The following SLC29A3 variants were observed in gnomAD, a reference collection of about 807,000 sequenced individuals.
SLC29A3 encodes solute carrier family 29 member 3, also known as equilibrative nucleoside transporter 3.
SLC29A3 carries 18 observed loss-of-function variants against 25.4 expected under a neutral mutation model. That is an observed-to-expected ratio of 0.71 (90% CI 0.49 to 1.05). SLC29A3 has a LOEUF of 1.05. Among genes scored for constraint, SLC29A3 ranks in the 50% least tolerant of loss-of-function variants. SLC29A3 has a pLI of 0.00. For missense variants in SLC29A3, 586 were observed against 609.0 expected, an observed-to-expected ratio of 0.96 and a Z score of 0.40; for synonymous variants, 258 against 267.1, an observed-to-expected ratio of 0.97 and a Z score of 0.33.
At chr10:71,343,564 A>G (rs768440472) in intron 2 of SLC29A3, among the ~76,000 whole-genome samples, 1 of 152,236 alleles carries the variant, frequency 6.6e-6, no homozygotes, top group East Asian at 1.9e-4. Context: ...GAGAAAATCC[A>G]GAGTGAGAAC....
chr10:71,329,457 C>CTAA (rs3059614), intron 2 of SLC29A3, among the ~76,000 whole-genome samples: 1 of 120,480 alleles, frequency 8.3e-6, no homozygotes. Context: ...GACTCTGTCT[C>CTAA]AAAAAAAAAA....
chr10:71,371,392 G>A (rs956626291), intron 3 of SLC29A3, among the ~76,000 whole-genome samples: 14 of 152,142 alleles, frequency 9.2e-5, no homozygotes, highest in African/African-American at 3.4e-4. Context: ...AGAGTCTTAT[G>A]TGGGTCTTAA....
At chr10:71,334,042 C>T (rs1846182950) in intron 2 of SLC29A3, among the ~76,000 whole-genome samples, 2 of 152,222 alleles carry the variant, frequency 1.3e-5, no homozygotes, top group African/African-American at 4.8e-5. Context: ...ATCTTCCTTG[C>T]TCACCCTGCC....
intron 2 of SLC29A3, among the ~76,000 whole-genome samples, chr10:71,341,121 G>A (rs1366056698): frequency 2.0e-5 from 3 of 152,138 alleles, no homozygotes; most frequent in East Asian, 1.9e-4. Flanking sequence ...TGGGTCTCAC[G>A]GGGCTTGACT....
At chr10:71,351,845 G>T in intron 4 of SLC29A3, 57 bp downstream of exon 4, 1 of 1,492,908 alleles carries the variant, frequency 6.7e-7, no homozygotes, top group African/African-American at 1.4e-5. Context: ...GTCATGGGAG[G>T]GAGCCAGAGA....
chr10:71,343,024 G>C (rs1174286166), intron 2 of SLC29A3, among the ~76,000 whole-genome samples: 1 of 152,196 alleles, frequency 6.6e-6, no homozygotes, highest in Non-Finnish European at 1.5e-5. Context: ...CTGTTGCCCA[G>C]GCTAAAGTGC....
chr10:71,354,271 G>T (rs1459286272), intron 4 of SLC29A3, among the ~76,000 whole-genome samples: 2 of 152,202 alleles, frequency 1.3e-5, no homozygotes, highest in South Asian at 2.1e-4. Flanking sequence ...CCATTGTATA[G>T]ATGAGGATAC....
At chr10:71,364,789 C>T (rs1043563931), downstream of SLC29A3, 7 of 152,244 alleles carry the variant, frequency 4.6e-5, no homozygotes, top group African/African-American at 1.7e-4. Context: ...TTTCTGAACT[C>T]GATACCTACC....
intron 2 of SLC29A3, among the ~76,000 whole-genome samples, chr10:71,336,967 A>T (rs567423692): frequency 6.6e-6 from 1 of 152,268 alleles, no homozygotes; most frequent in African/African-American, 2.4e-5. Flanking sequence ...GGTTGCATGC[A>T]AGGGTCAGAT....
chr10:71,356,629 C>T (rs1175177083), intron 5 of SLC29A3, among the ~76,000 whole-genome samples: 1 of 152,008 alleles, frequency 6.6e-6, no homozygotes, highest in Admixed American at 6.6e-5. Flanking sequence ...AGTTCAAGAC[C>T]CATTCTGGGC....
chr10:71,342,818 A>G lies in SLC29A3; in HGVS notation c.301-1391A>G, dbSNP rs1314258963. On this transcript the variant is annotated intron_variant, in intron 2 of 5. Transcript: ENST00000373189. ...AGCTCAAAGGCTATTTCTCAGGCTCATGGTTGACGGACCTCACTAGCTGCG... is the reference window on the plus strand; with the variant it reads ...AGCTCAAAGGCTATTTCTCAGGCTCGTGGTTGACGGACCTCACTAGCTGCG... Among the ~76,000 whole-genome samples, 56 of 152,224 alleles carry G rather than the reference A, an allele frequency of 3.7e-4. 1 individual carries two copies. Among genetic ancestry groups the G allele is most frequent in the Non-Finnish European group, 7.4e-5 (5 of 68,024 alleles).
rs1200665620 is a variant in SLC29A3, at chr10:71,362,237, C to G, written c.1057C>G (p.Leu353Val). ...GTTTTTCATCCCCCTCACTACCTTCCTCCTGTACAACTTTGCTGACCTATG... is the reference window on the plus strand; with the variant it reads ...GTTTTTCATCCCCCTCACTACCTTCGTCCTGTACAACTTTGCTGACCTATG... Reference protein sequence around the residue: ...TKFFIPLTTFLLYNFADLCGR... With the variant: ...TKFFIPLTTFVLYNFADLCGR... Residue 353 changes from leucine (L) to valine (V), a missense_variant, in exon 6 of 6, where the codon CTC (leucine) becomes GTC (valine). Physicochemically the swap from Leu to Val is conservative, Grantham distance 32 (BLOSUM62 1). Coordinates refer to ENST00000373189, the MANE Select transcript of SLC29A3 (RefSeq NM_018344.6). 6.2e-7 allele frequency: 1 copy of G among 1,614,054 alleles called. No individual in the cohort carries two copies. The highest frequency in any genetic ancestry group is 8.5e-7 in the Non-Finnish European group (1 of 1,180,050).
intron 5 of SLC29A3, among the ~76,000 whole-genome samples, chr10:71,359,687 G>A (rs1847005352): frequency 6.6e-6 from 1 of 152,124 alleles, no homozygotes; most frequent in African/African-American, 2.4e-5. Flanking sequence ...AAAACTTCTT[G>A]GCTGTTTGAA....
chr10:71,366,206 G>T (rs550587019), downstream of SLC29A3: 7 of 152,128 alleles, frequency 4.6e-5, no homozygotes, highest in Non-Finnish European at 1.0e-4. Flanking sequence ...TGCCTAGGCT[G>T]GTCTCTAACC....
At position 71,328,017 on chromosome 10, in the gene SLC29A3, A is replaced by G. The variant is rs187581838; in HGVS notation, c.300+4963A>G. Among the ~76,000 whole-genome samples the G allele has an allele frequency of 1.4e-4, 21 of 151,406 alleles. No homozygotes were observed. In the East Asian group the frequency reaches 3.5e-3, roughly 25 times the overall value. On this transcript the variant is annotated intron_variant, in intron 2 of 5. Transcript: ENST00000373189. ...GTGAGCTGGACAAGCCCTACTTCCTACCCCGGAGAGAAGAGTGTCTGCACC... is the reference window on the plus strand; with the variant it reads ...GTGAGCTGGACAAGCCCTACTTCCTGCCCCGGAGAGAAGAGTGTCTGCACC...
intron 4 of SLC29A3, among the ~76,000 whole-genome samples, chr10:71,354,721 G>T (rs528129409): frequency 6.6e-6 from 1 of 152,186 alleles, no homozygotes; most frequent in East Asian, 1.9e-4. Context: ...AAGTGGGCAG[G>T]TTCATCCCGC....
rs202004912 is a variant in SLC29A3 at position 71,362,401 on chromosome 10, G to T, written c.1221G>T (p.Val407=). Residue 407 remains valine (V), a synonymous_variant, in exon 6 of 6, where the codon GTG becomes GTT. Transcript: ENST00000373189. ...NYQPRVHLKT[V]VFQSDVYPAL... ...AGCCCCGCGTCCACCTGAAGACTGT[G>T]GTCTTCCAGTCCGATGTGTACCCCG... 3 of 1,614,156 alleles carry T rather than the reference G, an allele frequency of 1.9e-6. No homozygotes were observed. Among genetic ancestry groups the T allele is most frequent in the Non-Finnish European group, 2.5e-6 (3 of 1,180,034 alleles).
intron 3 of SLC29A3, among the ~76,000 whole-genome samples, chr10:71,374,960 G>A (rs1221844355): frequency 6.6e-6 from 1 of 152,228 alleles, no homozygotes; most frequent in Admixed American, 6.5e-5. Context: ...GGATGCAGCA[G>A]TAGTAGAACA....
intron 4 of SLC29A3, among the ~76,000 whole-genome samples, chr10:71,354,449 G>A (rs1388386151): frequency 6.6e-6 from 1 of 152,164 alleles, no homozygotes; most frequent in Non-Finnish European, 1.5e-5. Flanking sequence ...AGAACTTATG[G>A]TGGAGAGGCT....
Sources: gnomAD v4.1 joint callset for allele counts (sites outside exome capture counted in the v4.1 genomes callset) on GRCh38, gnomAD v4.1.1 for gene constraint, MANE v1.5 for transcripts, NCBI Gene and HGNC (gene_info 2026-07-23, HGNC 2026-07-21) for gene names.